The following MSH3 variants were observed in gnomAD, a reference collection of about 807,000 sequenced individuals.
MSH3 encodes the protein mutS homolog 3, also known as DNA mismatch repair protein Msh3.
A neutral mutation model predicts 123.3 loss-of-function variants in MSH3; 106 were observed. The observed-to-expected ratio is 0.86, with a 90% CI of 0.73 to 1.01. MSH3 has a LOEUF of 1.01. MSH3 is among the 50% of genes least tolerant of loss of function. The pLI, the probability that MSH3 is intolerant of heterozygous loss-of-function variation, is 0.00. For synonymous variants in MSH3, 515 were observed against 481.4 expected (o/e 1.07, Z -0.91); for missense variants, 1,459 against 1,347.6 (o/e 1.08, Z -1.29).
At chr5:80,752,070 G>T (rs1261808313) in intron 12 of MSH3, among the ~76,000 whole-genome samples, 1 of 152,022 alleles carries the variant, frequency 6.6e-6, no homozygotes, top group Non-Finnish European at 1.5e-5. Context: ...ATCCTGGACA[G>T]TATCTGTCCA....
intron 12 of MSH3, 74 bp downstream of exon 12, chr5:80,744,689 G>A (rs1743683611): frequency 9.6e-7 from 1 of 1,046,784 alleles, no homozygotes; most frequent in Non-Finnish European, 1.5e-6. Flanking sequence ...TTAAAACCAA[G>A]GTTACCATTG....
At chr5:80,872,653 A>T (rs977756938) in intron 22 of MSH3, among the ~76,000 whole-genome samples, 2 of 152,112 alleles carry the variant, frequency 1.3e-5, no homozygotes, top group Non-Finnish European at 2.9e-5. Context: ...AAAAAATATT[A>T]AAAAATTAGC....
intron 8 of MSH3, among the ~76,000 whole-genome samples, chr5:80,702,916 G>A (rs916304907): frequency 2.0e-5 from 3 of 152,178 alleles, no homozygotes; most frequent in Non-Finnish European, 2.9e-5. Flanking sequence ...GGAGGCTGAG[G>A]CAGGAGAATC....
intron 19 of MSH3, among the ~76,000 whole-genome samples, chr5:80,811,538 G>C (rs139905076): frequency 0.018 from 2,693 of 152,140 alleles, 40 homozygotes; most frequent in Non-Finnish European, 0.026. Flanking sequence ...GTTCTTTTCA[G>C]GTTTGATAAG....
At chr5:80,658,037 C>CTTTTTTTTTTTTTTTT (rs397942439) in intron 2 of MSH3, among the ~76,000 whole-genome samples, 3 of 116,638 alleles carry the variant, frequency 2.6e-5, no homozygotes, top group African/African-American at 6.9e-5. Context: ...TTTTTGCCCT[C>CTTTTTTTTTTTTTTTT]TTTTTTTTTT....
intron 3 of MSH3, among the ~76,000 whole-genome samples, chr5:80,669,199 G>A (rs181806416): frequency 6.7e-4 from 102 of 152,310 alleles, no homozygotes; most frequent in African/African-American, 2.4e-3. Context: ...GAACTACAAA[G>A]TGTACATGTT....
At chr5:80,813,474 TA>T in intron 19 of MSH3, 109 bp from the exon 20 acceptor site, 1 of 1,134,476 alleles carries the variant, frequency 8.8e-7, no homozygotes, top group Non-Finnish European at 1.3e-6. Context: ...TTGTGATATT[TA>T]TGCTACAAAG....
intron 19 of MSH3, among the ~76,000 whole-genome samples, chr5:80,810,172 C>CATATATATATATATAT (rs113702568): frequency 0.043 from 5,223 of 120,952 alleles, 210 homozygotes; most frequent in African/African-American, 0.052. Flanking sequence ...GTTTGACATA[C>CATATATATATATATAT]ATATATATAT....
intron 22 of MSH3, among the ~76,000 whole-genome samples, chr5:80,867,220 A>C (rs1478923615): frequency 6.6e-6 from 1 of 152,224 alleles, no homozygotes; most frequent in Non-Finnish European, 1.5e-5. Context: ...CCAGAGGAAG[A>C]GTGGGCTTCA....
intron 19 of MSH3, among the ~76,000 whole-genome samples, chr5:80,810,168 C>CATATATAT (rs1461060092): frequency 3.1e-5 from 1 of 32,036 alleles, no homozygotes; most frequent in Non-Finnish European, 6.4e-5. Flanking sequence ...TTTTGTTTGA[C>CATATATAT]ATACATATAT....
intron 23 of MSH3, 42 bp downstream of exon 23, chr5:80,873,329 C>A: frequency 1.9e-6 from 3 of 1,597,348 alleles, no homozygotes; most frequent in Non-Finnish European, 2.6e-6. Context: ...GTAATGAAAC[C>A]TTCTAAGTTG....
At chr5:80,862,906 C>T (rs373674693) in intron 21 of MSH3, among the ~76,000 whole-genome samples, 24 of 152,164 alleles carry the variant, frequency 1.6e-4, no homozygotes, top group Middle Eastern at 3.4e-3. Flanking sequence ...CATTTAATAA[C>T]GACTATAATA....
At chr5:80,770,734 G>A (rs1457532088) in intron 15 of MSH3, among the ~76,000 whole-genome samples, 1 of 152,090 alleles carries the variant, frequency 6.6e-6, no homozygotes, top group Admixed American at 6.5e-5. Context: ...CAACACCATG[G>A]ATTTTATCTG....
At chr5:80,690,102 A>G (rs1443524454) in intron 8 of MSH3, among the ~76,000 whole-genome samples, 1 of 152,094 alleles carries the variant, frequency 6.6e-6, no homozygotes, top group African/African-American at 2.4e-5. Context: ...AAAATTTTGT[A>G]GAGATGGGTT....
At chr5:80,786,713 G>A (rs1373262317) in intron 17 of MSH3, among the ~76,000 whole-genome samples, 1 of 152,002 alleles carries the variant, frequency 6.6e-6, no homozygotes, top group Non-Finnish European at 1.5e-5. Flanking sequence ...ATCCACAATT[G>A]ATCACTACAT....
intron 19 of MSH3, among the ~76,000 whole-genome samples, chr5:80,795,130 A>C (rs1056492825): frequency 3.3e-5 from 5 of 152,192 alleles, no homozygotes; most frequent in African/African-American, 1.2e-4. Context: ...GGACTGTAAC[A>C]GAGTATTCTA....
intron 12 of MSH3, among the ~76,000 whole-genome samples, chr5:80,745,533 A>G (rs1217161369): frequency 6.6e-6 from 1 of 152,196 alleles, no homozygotes; most frequent in African/African-American, 2.4e-5. Context: ...TAAATATAAG[A>G]TTTAAAACCA....
At position 80,768,831 on chromosome 5, in the gene MSH3, T is replaced by C; in HGVS notation, c.2085-4T>C. 2 of 1,600,802 alleles carry C rather than the reference T, an allele frequency of 1.2e-6. No individual in the cohort carries two copies. Among genetic ancestry groups the C allele is most frequent in the Non-Finnish European group, 1.7e-6 (2 of 1,169,600 alleles). ...ATATGTATTTGCATGTTTTGATTTT[T>C]TAGAGTTGGGGATAAAACTGAATTA... On this transcript the variant is annotated splice_polypyrimidine_tract_variant and splice_region_variant and intron_variant, in intron 14 of 23. Transcript: ENST00000265081.
At position 80,876,628 on chromosome 5, in the gene MSH3, CAA is replaced by C. The variant is rs71879707; in HGVS notation, c.*778_*779del. Among the ~76,000 whole-genome samples the C allele has an allele frequency of 2.1e-4, 27 of 126,238 alleles. No individual in the cohort carries two copies. The highest frequency in any genetic ancestry group is 2.2e-4 in the Non-Finnish European group (13 of 59,772). The allele number at this position is 126,238 out of a possible 152,430, so 82.8% of individuals were successfully genotyped here. On this transcript the variant is annotated 3_prime_UTR_variant, in exon 24 of 24. Coordinates refer to ENST00000265081, the MANE Select transcript of MSH3 (RefSeq NM_002439.5). ...TGGGCAACAGAGCAAGACTCCATCTCAAAAAAAAAAAAAGAAAAAAGAAAAGA... is the reference window on the plus strand; with the variant it reads ...TGGGCAACAGAGCAAGACTCCATCTCAAAAAAAAAAAGAAAAAAGAAAAGA...
Sources: allele counts gnomAD v4.1 joint callset (sites outside exome capture counted in the v4.1 genomes callset), GRCh38; gene constraint gnomAD v4.1.1; transcripts MANE v1.5; gene names NCBI Gene and HGNC (gene_info 2026-07-23, HGNC 2026-07-21).